MSRB3: variants seen among roughly 807,000 people sequenced by gnomAD.
The protein encoded by MSRB3 is methionine-R-sulfoxide reductase B3.
MSRB3 carries 13 observed loss-of-function variants against 21.0 expected under a neutral mutation model. The observed-to-expected ratio is 0.62, with a 90% CI of 0.40 to 0.98. The LOEUF (loss-of-function observed/expected upper bound fraction) is 0.98. Ranked by LOEUF, MSRB3 falls within the 50% of genes least tolerant of loss-of-function variation. The probability of loss-of-function intolerance (pLI) is 0.00; values close to 1 mark genes in which losing one functional copy is unlikely to be tolerated. For synonymous variants in MSRB3, 87 were observed against 88.6 expected, an observed-to-expected ratio of 0.98 and a Z score of 0.10; for missense variants, 199 against 230.3, an observed-to-expected ratio of 0.86 and a Z score of 0.88.
At chr12:65,361,771 T>G (rs1877721570) in intron 4 of MSRB3, among the ~76,000 whole-genome samples, 1 of 152,194 alleles carries the variant, frequency 6.6e-6, no homozygotes, top group Non-Finnish European at 1.5e-5. Context: ...TAATACTATA[T>G]TTTGTTAAAC....
At chr12:65,322,987 T>A (rs1307695902) in intron 2 of MSRB3, among the ~76,000 whole-genome samples, 2 of 152,188 alleles carry the variant, frequency 1.3e-5, no homozygotes, top group African/African-American at 4.8e-5. Context: ...AAAATACTGT[T>A]CCCAGGGAAT....
At chr12:65,333,908 A>T (rs968991164) in intron 4 of MSRB3, among the ~76,000 whole-genome samples, 2 of 152,220 alleles carry the variant, frequency 1.3e-5, no homozygotes, top group African/African-American at 4.8e-5. Context: ...TGCATATCTG[A>T]ACTCTGTTAG....
intron 2 of MSRB3, among the ~76,000 whole-genome samples, chr12:65,318,233 A>G (rs190496500): frequency 6.6e-6 from 1 of 152,220 alleles, no homozygotes; most frequent in African/African-American, 2.4e-5. Flanking sequence ...TTTGGGTGGT[A>G]ATGTAATTTT....
chr12:65,453,011 A>G (rs1882925324), intron 5 of MSRB3, among the ~76,000 whole-genome samples: 1 of 152,186 alleles, frequency 6.6e-6, no homozygotes, highest in African/African-American at 2.4e-5. Flanking sequence ...TCCATTTACC[A>G]TCAAGTTTCT....
At chr12:65,430,479 C>T (rs1881824444) in intron 5 of MSRB3, among the ~76,000 whole-genome samples, 2 of 152,056 alleles carry the variant, frequency 1.3e-5, no homozygotes, top group Non-Finnish European at 2.9e-5. Flanking sequence ...AAAAGAATTT[C>T]ATATAGAACA....
intron 5 of MSRB3, among the ~76,000 whole-genome samples, chr12:65,384,719 T>G (rs983206006): frequency 2.0e-5 from 3 of 152,156 alleles, no homozygotes; most frequent in Admixed American, 6.5e-5. Flanking sequence ...AAATATAGCT[T>G]TTGTGATATT....
intron 4 of MSRB3, among the ~76,000 whole-genome samples, chr12:65,359,953 T>C (rs1300972429): frequency 6.6e-6 from 1 of 151,996 alleles, no homozygotes; most frequent in Non-Finnish European, 1.5e-5. Context: ...CAGAATTTTA[T>C]TGTCTCACAG....
chr12:65,353,896 C>T (rs1191603650), intron 4 of MSRB3, among the ~76,000 whole-genome samples: 1 of 151,968 alleles, frequency 6.6e-6, no homozygotes, highest in African/African-American at 2.4e-5. Context: ...GTGCTTCCTT[C>T]AGGAGCTCTT....
rs1010244939 is a variant in MSRB3, at chr12:65,308,668, T to C, written c.76+13T>C. 3.7e-6 allele frequency: 6 copies of C among 1,613,898 alleles called. No individual in the cohort carries two copies. The highest frequency in any genetic ancestry group is 5.1e-6 in the Non-Finnish European group (6 of 1,179,854). On this transcript the variant is annotated intron_variant, in intron 2 of 6. Transcript: ENST00000308259. ...GGGCTTCCCTCAGGTTGCTGCTTGTTGTACTGTACATAGTGAAGGCACAGG... is the reference window on the plus strand; with the variant it reads ...GGGCTTCCCTCAGGTTGCTGCTTGTCGTACTGTACATAGTGAAGGCACAGG...
intron 5 of MSRB3, among the ~76,000 whole-genome samples, chr12:65,377,095 T>C (rs1387387007): frequency 3.9e-5 from 6 of 152,208 alleles, no homozygotes; most frequent in Non-Finnish European, 7.3e-5. Flanking sequence ...AACATTACTA[T>C]ATCAATTAAA....
rs1883506075 is a variant in MSRB3, at chr12:65,465,101, G to C, written c.*1779G>C. The C allele has an allele frequency of 6.6e-6, 1 of 152,260 alleles. No homozygotes were observed. Among genetic ancestry groups the C allele is most frequent in the Non-Finnish European group, 1.5e-5 (1 of 68,048 alleles). The allele number at this position is 152,260 out of a possible 1,614,324, so 9.4% of individuals were successfully genotyped here. On this transcript the variant is annotated 3_prime_UTR_variant, in exon 7 of 7. Transcript: ENST00000308259. ...AAGCAGAGAGGAGGCTGACTTAGCT[G>C]ATTGGTATGGAAACAGTTGGGCCAA... is the stretch of plus-strand genomic sequence containing the variant.
rs544303119 is a variant in MSRB3 at position 65,283,471 on chromosome 12, C to T, written c.-52+4606C>T. 8.6e-5 allele frequency among the ~76,000 whole-genome samples: 13 copies of T among 151,734 alleles called. No homozygotes were observed. In the South Asian group the frequency reaches 2.5e-3, roughly 29 times the overall value. ...TTTGAGATAGGATCTCACTCTGTCA[C>T]CCAGACTGGAGTGCAGTGGCACACT... On this transcript the variant is annotated intron_variant, in intron 1 of 6. Transcript: ENST00000308259.
At chr12:65,437,218 GT>G (rs904905221) in intron 5 of MSRB3, among the ~76,000 whole-genome samples, 1 of 151,828 alleles carries the variant, frequency 6.6e-6, no homozygotes, top group Non-Finnish European at 1.5e-5. Flanking sequence ...GATTTTGAAT[GT>G]GACAGATCAT....
intron 4 of MSRB3, among the ~76,000 whole-genome samples, chr12:65,354,976 A>G (rs910972419): frequency 6.6e-6 from 1 of 151,828 alleles, no homozygotes; most frequent in Non-Finnish European, 1.5e-5. Flanking sequence ...ACTCCTTATA[A>G]TAGGAGGGGA....
chr12:65,406,251 G>T (rs1295122801), intron 5 of MSRB3, among the ~76,000 whole-genome samples: 1 of 152,168 alleles, frequency 6.6e-6, no homozygotes, highest in Non-Finnish European at 1.5e-5. Context: ...TTTTGCATAT[G>T]GTGTGAGATG....
chr12:65,283,351 A>G (rs913979195), intron 1 of MSRB3, among the ~76,000 whole-genome samples: 1 of 152,006 alleles, frequency 6.6e-6, no homozygotes, highest in African/African-American at 2.4e-5. Flanking sequence ...AAGTTTTACT[A>G]TATTGTCTTG....
chr12:65,329,940 C>T (rs572016254), intron 4 of MSRB3, among the ~76,000 whole-genome samples: 6 of 152,318 alleles, frequency 3.9e-5, no homozygotes, highest in African/African-American at 1.4e-4. Flanking sequence ...AAAACCGACC[C>T]TTCAAATTGT....
At chr12:65,350,336 GGTA>G (rs1565848009) in intron 4 of MSRB3, among the ~76,000 whole-genome samples, 1 of 151,914 alleles carries the variant, frequency 6.6e-6, no homozygotes, top group Non-Finnish European at 1.5e-5. Flanking sequence ...TTTGAAGTCA[GGTA>G]GTGTGATGCC....
intron 5 of MSRB3, among the ~76,000 whole-genome samples, chr12:65,373,635 A>T (rs1459003437): frequency 6.6e-6 from 1 of 152,186 alleles, no homozygotes; most frequent in Non-Finnish European, 1.5e-5. Flanking sequence ...GAACACAGCA[A>T]CTCAAAGGTA....
Sources: gnomAD v4.1 joint callset for allele counts (sites outside exome capture counted in the v4.1 genomes callset) on GRCh38, gnomAD v4.1.1 for gene constraint, MANE v1.5 for transcripts, NCBI Gene and HGNC (gene_info 2026-07-23, HGNC 2026-07-21) for gene names.